Variants in PTPRG observed in about 807,000 individuals in gnomAD.
The protein encoded by PTPRG is receptor-type tyrosine-protein phosphatase gamma.
In PTPRG, 102 loss-of-function variants were observed where a neutral mutation model predicts 165.3. That is an observed-to-expected ratio of 0.62 (90% confidence interval 0.53 to 0.73). PTPRG has a LOEUF of 0.73. Ranked by LOEUF, PTPRG falls within the 30% of genes least tolerant of loss-of-function variation. The pLI, the probability that PTPRG is intolerant of heterozygous loss-of-function variation, is 0.00. For synonymous variants in PTPRG, 675 were observed against 669.5 expected (o/e 1.01, Z -0.13); for missense variants, 1,866 against 1,861.4 (o/e 1.00, Z -0.05).
chr3:62,068,054 A>C (rs928892401), intron 4 of PTPRG, among the ~76,000 whole-genome samples: 2 of 152,206 alleles, frequency 1.3e-5, no homozygotes, highest in Non-Finnish European at 2.9e-5. Flanking sequence ...CTCTACAAGC[A>C]AATGCCTAGA....
chr3:61,583,968 T>C (rs906036420), intron 1 of PTPRG, among the ~76,000 whole-genome samples: 1 of 152,232 alleles, frequency 6.6e-6, no homozygotes, highest in Non-Finnish European at 1.5e-5. Flanking sequence ...TAACTAGATG[T>C]GTTGAGAAGG....
In PTPRG at chr3:62,267,450, A is replaced by T. The variant is rs764659539; in HGVS notation, c.2697A>T (p.Lys899Asn). The T allele has an allele frequency of 6.2e-7, 1 of 1,612,132 alleles. No homozygotes were observed. Among genetic ancestry groups the T allele is most frequent in the Non-Finnish European group, 8.5e-7 (1 of 1,178,464 alleles). Residue 899 changes from lysine to asparagine, a missense_variant, in exon 18 of 30, where the codon AAA (lysine) becomes AAT (asparagine). This residue lies in a region of PTPRG where 1,452 missense variants were observed against 1,463.0 expected (regional missense o/e 0.99). Coordinates refer to ENST00000474889, the MANE Select transcript of PTPRG (RefSeq NM_002841.4). ...TGAAGTTAAGACCTTTACCAGGAAA[A>T]GACTCTAAGCACAGCGACTACATTA... ...SRVKLRPLPG[K>N]DSKHSDYINA...
chr3:62,056,384 C>T (rs554792732), intron 4 of PTPRG, among the ~76,000 whole-genome samples: 21 of 152,252 alleles, frequency 1.4e-4, no homozygotes, highest in Non-Finnish European at 2.6e-4. Flanking sequence ...TGTGGCCCAA[C>T]ACAAATTTGT....
chr3:61,669,492 TCTTA>T (rs1375567632), intron 1 of PTPRG, among the ~76,000 whole-genome samples: 4 of 152,208 alleles, frequency 2.6e-5, no homozygotes, highest in South Asian at 2.1e-4. Context: ...TCTTACTCCT[TCTTA>T]CTTCTCTTCC....
At chr3:61,835,675 G>C (rs1164974287) in intron 2 of PTPRG, among the ~76,000 whole-genome samples, 1 of 152,018 alleles carries the variant, frequency 6.6e-6, no homozygotes, top group Non-Finnish European at 1.5e-5. Context: ...CTTGTTGGTA[G>C]TCTGAAGTGT....
At chr3:61,854,752 A>G (rs2107377297) in intron 2 of PTPRG, among the ~76,000 whole-genome samples, 1 of 152,308 alleles carries the variant, frequency 6.6e-6, no homozygotes. Flanking sequence ...GGTATCAGGT[A>G]AGATTATAGC....
At chr3:61,848,109 G>A (rs1013565239) in intron 2 of PTPRG, among the ~76,000 whole-genome samples, 1 of 152,204 alleles carries the variant, frequency 6.6e-6, no homozygotes, top group African/African-American at 2.4e-5. Flanking sequence ...CTGTGGCTGA[G>A]GACGTAGGCA....
chr3:61,671,454 G>A (rs1479500843), intron 1 of PTPRG, among the ~76,000 whole-genome samples: 2 of 151,344 alleles, frequency 1.3e-5, no homozygotes, highest in Non-Finnish European at 2.9e-5. Flanking sequence ...ACAGGGTTGG[G>A]GGTAAGGTCA....
chr3:61,716,057 C>T (rs971516352), intron 1 of PTPRG, among the ~76,000 whole-genome samples: 2 of 152,110 alleles, frequency 1.3e-5, no homozygotes. Context: ...GAAATGCATC[C>T]AGAATCACAG....
chr3:62,186,209 C>T lies in PTPRG; in HGVS notation c.1034-5260C>T, dbSNP rs183194863. ...ATTAGCAGAAGGCATGAGTTAAAGA[C>T]CAGAGACAAGATCCTCAACACATTT... On this transcript the variant is annotated intron_variant, in intron 8 of 29. Coordinates refer to ENST00000474889, the MANE Select transcript of PTPRG (RefSeq NM_002841.4). Among the ~76,000 whole-genome samples, 9 of 152,212 alleles carry T rather than the reference C, an allele frequency of 5.9e-5. No homozygotes were observed. The East Asian group carries it at 1.2e-3, about 20-fold the overall frequency.
At chr3:61,973,186 A>G (rs1247991368) in intron 2 of PTPRG, among the ~76,000 whole-genome samples, 2 of 152,320 alleles carry the variant, frequency 1.3e-5, no homozygotes, top group South Asian at 2.1e-4. Flanking sequence ...GAAAACGGTT[A>G]TTTTATATTG....
At chr3:61,962,746 T>G (rs2107645023) in intron 2 of PTPRG, among the ~76,000 whole-genome samples, 1 of 152,324 alleles carries the variant, frequency 6.6e-6, no homozygotes, top group South Asian at 2.1e-4. Context: ...GCTTAGTATG[T>G]GTCAGGCACT....
intron 2 of PTPRG, among the ~76,000 whole-genome samples, chr3:61,772,978 T>C (rs2034257688): frequency 6.6e-6 from 1 of 152,214 alleles, no homozygotes; most frequent in Non-Finnish European, 1.5e-5. Flanking sequence ...AATAAGTGAA[T>C]TGATCAACAA....
intron 12 of PTPRG, among the ~76,000 whole-genome samples, chr3:62,209,312 C>T: frequency 6.6e-6 from 1 of 152,164 alleles, no homozygotes; most frequent in South Asian, 2.1e-4. Flanking sequence ...AGCTCCACAA[C>T]AGGAACCATC....
intron 2 of PTPRG, among the ~76,000 whole-genome samples, chr3:61,893,462 G>A (rs1243697450): frequency 6.6e-6 from 1 of 152,186 alleles, no homozygotes; most frequent in Non-Finnish European, 1.5e-5. Flanking sequence ...TACCCAGAGT[G>A]ATTGATTATT....
chr3:62,043,919 T>A (rs1247642952), intron 4 of PTPRG, among the ~76,000 whole-genome samples: 1 of 152,198 alleles, frequency 6.6e-6, no homozygotes, highest in Non-Finnish European at 1.5e-5. Context: ...AGGGGCCTAG[T>A]GCAGATAGTT....
intron 5 of PTPRG, among the ~76,000 whole-genome samples, chr3:62,120,350 G>A (rs972703308): frequency 9.9e-5 from 7 of 70,620 alleles, no homozygotes; most frequent in Non-Finnish European, 2.2e-4. Flanking sequence ...AGAATTTTGG[G>A]CGTCAAGAAA....
intron 2 of PTPRG, chr3:61,925,743 TAAA>T: frequency 1.2e-5 from 4 of 330,894 alleles, no homozygotes; most frequent in Non-Finnish European, 2.4e-5. Flanking sequence ...ACTCTATCTT[TAAA>T]AAAAAAAAAA....
intron 15 of PTPRG, among the ~76,000 whole-genome samples, chr3:62,246,598 C>T (rs947129970): frequency 6.6e-6 from 1 of 152,118 alleles, no homozygotes; most frequent in Non-Finnish European, 1.5e-5. Context: ...AAACACAATT[C>T]AATTTTTAAC....
Sources: allele counts gnomAD v4.1 joint callset (sites outside exome capture counted in the v4.1 genomes callset), GRCh38; gene constraint gnomAD v4.1.1; regional missense constraint gnomAD v4.1.1; transcripts MANE v1.5; gene names NCBI Gene and HGNC (gene_info 2026-07-23, HGNC 2026-07-21).